The following GAP43 variants were observed in gnomAD, a reference collection of about 807,000 sequenced individuals.
GAP43 encodes neuromodulin.
In GAP43, 6 loss-of-function variants were observed where a neutral mutation model predicts 18.6. The ratio of observed to expected loss-of-function variants is 0.32; its 90% CI spans 0.18 to 0.64. GAP43 has a LOEUF of 0.64. Ranked by LOEUF, GAP43 falls within the 30% of genes least tolerant of loss-of-function variation. The pLI is 0.78. For missense variants in GAP43, 292 were observed against 295.5 expected, an observed-to-expected ratio of 0.99 and a Z score of 0.09; for synonymous variants, 115 against 111.4, an observed-to-expected ratio of 1.03 and a Z score of -0.20.
intron 1 of GAP43, among the ~76,000 whole-genome samples, chr3:115,675,212 C>G (rs1708865871): frequency 1.3e-5 from 2 of 152,174 alleles, no homozygotes; most frequent in African/African-American, 2.4e-5. Flanking sequence ...GCCAGGACCA[C>G]TGGTGCATGC....
chr3:115,642,971 T>C (rs904535911), intron 1 of GAP43, among the ~76,000 whole-genome samples: 13 of 152,104 alleles, frequency 8.5e-5, no homozygotes, highest in Admixed American at 3.9e-4. Flanking sequence ...AAATGAGTTA[T>C]GAATGCCACT....
At chr3:115,658,092 T>C (rs1276059390) in intron 1 of GAP43, among the ~76,000 whole-genome samples, 1 of 152,150 alleles carries the variant, frequency 6.6e-6, no homozygotes, top group Non-Finnish European at 1.5e-5. Context: ...AAACCAAACA[T>C]ACTGCACACT....
Position 115,692,532 on chromosome 3 carries a change from G to T in GAP43, c.628+15922G>T, listed in dbSNP as rs145195625. ...ATAAGTCTGTGACTGCTTGCAAACT[G>T]CAGTCTGTAGTTGTGGCAAAGGAAT... On this transcript the variant is annotated intron_variant, in intron 2 of 2. Coordinates refer to ENST00000305124, the MANE Select transcript of GAP43 (RefSeq NM_002045.4). 1.7e-3 allele frequency among the ~76,000 whole-genome samples: 252 copies of T among 152,296 alleles called. 2 individuals carry two copies. Among genetic ancestry groups the T allele is most frequent in the South Asian group, 0.011 (53 of 4,824 alleles).
intron 2 of GAP43, among the ~76,000 whole-genome samples, chr3:115,687,998 A>ATTT (rs200187029): frequency 7.2e-6 from 1 of 139,586 alleles, no homozygotes; most frequent in Admixed American, 7.3e-5. Context: ...TACTAACGAA[A>ATTT]TTTTTTTATT....
chr3:115,711,014 G>T (rs2107375335), intron 2 of GAP43, among the ~76,000 whole-genome samples: 1 of 152,270 alleles, frequency 6.6e-6, no homozygotes, highest in Non-Finnish European at 1.5e-5. Flanking sequence ...ATAAAGGAAA[G>T]ATTACTGGGC....
At chr3:115,702,785 C>G (rs1182875868) in intron 2 of GAP43, among the ~76,000 whole-genome samples, 1 of 152,054 alleles carries the variant, frequency 6.6e-6, no homozygotes, top group Non-Finnish European at 1.5e-5. Context: ...ATCCATGAGA[C>G]AAAGAATGGA....
chr3:115,626,484 G>T (rs187136012), intron 1 of GAP43, among the ~76,000 whole-genome samples: 104 of 152,108 alleles, frequency 6.8e-4, no homozygotes, highest in Non-Finnish European at 7.4e-5. Flanking sequence ...ATGAGAGTGG[G>T]GTAGAGATGA....
At chr3:115,639,837 T>G (rs1276534930) in intron 1 of GAP43, among the ~76,000 whole-genome samples, 5 of 152,088 alleles carry the variant, frequency 3.3e-5, no homozygotes, top group Non-Finnish European at 7.4e-5. Context: ...GGCTTCCCCT[T>G]ATAATTCTGG....
intron 1 of GAP43, among the ~76,000 whole-genome samples, chr3:115,648,713 T>C (rs921600303): frequency 6.6e-6 from 1 of 151,774 alleles, no homozygotes; most frequent in Non-Finnish European, 1.5e-5. Context: ...TGAGGAAGGG[T>C]TAGAAAGAAA....
intron 1 of GAP43, among the ~76,000 whole-genome samples, chr3:115,656,519 G>T (rs1708585922): frequency 6.6e-6 from 1 of 152,166 alleles, no homozygotes; most frequent in Non-Finnish European, 1.5e-5. Flanking sequence ...TATACTGAGG[G>T]TGGGGAATCC....
chr3:115,636,730 T>C (rs1416948850), intron 1 of GAP43, among the ~76,000 whole-genome samples: 3 of 152,140 alleles, frequency 2.0e-5, no homozygotes, highest in African/African-American at 7.2e-5. Flanking sequence ...CTTATGGTTG[T>C]GTTTCAAGGC....
intron 1 of GAP43, chr3:115,663,663 T>C (rs1708695031): frequency 1.4e-6 from 2 of 1,435,892 alleles, no homozygotes; most frequent in East Asian, 5.1e-5. Flanking sequence ...TAAAAAATTT[T>C]ATTTCTACTT....
intron 2 of GAP43, among the ~76,000 whole-genome samples, chr3:115,697,202 A>ATAG (rs1709203851): frequency 7.0e-4 from 1 of 1,436 alleles, no homozygotes. Context: ...TTATTTATTT[A>ATAG]TAATAATAAA....
chr3:115,688,527 A>G (rs550751764), intron 2 of GAP43, among the ~76,000 whole-genome samples: 140 of 152,354 alleles, frequency 9.2e-4, no homozygotes, highest in Non-Finnish European at 1.6e-3. Context: ...GGCCGAAATC[A>G]GTCTCAAAAA....
rs1246382253 is a variant in GAP43, at chr3:115,623,624, G to C, written c.-66G>C. 7.5e-6 allele frequency: 12 copies of C among 1,594,806 alleles called. No individual in the cohort carries two copies. The South Asian group carries it at 8.8e-5, about 12-fold the overall frequency. ...AGCGAGCAGAAAAGAGGTGGAGAGG[G>C]GGGGAATAAGAAAGAGAGAGAAGGA... is the stretch of plus-strand genomic sequence containing the variant. On this transcript the variant is annotated 5_prime_UTR_variant, in exon 1 of 3. Coordinates refer to ENST00000305124, the MANE Select transcript of GAP43 (RefSeq NM_002045.4).
chr3:115,694,117 G>A (rs1045194462), intron 2 of GAP43, among the ~76,000 whole-genome samples: 2 of 152,092 alleles, frequency 1.3e-5, no homozygotes, highest in Non-Finnish European at 2.9e-5. Context: ...TGCAGGGGAG[G>A]GGGGAGCAGT....
At chr3:115,627,890 CTG>C (rs1576974550) in intron 1 of GAP43, among the ~76,000 whole-genome samples, 1 of 152,080 alleles carries the variant, frequency 6.6e-6, no homozygotes, top group East Asian at 1.9e-4. Flanking sequence ...GAATATTATA[CTG>C]TGAGTCCTTA....
chr3:115,697,374 C>T (rs1013611790), intron 2 of GAP43, among the ~76,000 whole-genome samples: 1 of 152,124 alleles, frequency 6.6e-6, no homozygotes, highest in Non-Finnish European at 1.5e-5. Flanking sequence ...AAGGAACTTC[C>T]TCTCCGCCAC....
chr3:115,655,407 G>A (rs1231890445), intron 1 of GAP43, among the ~76,000 whole-genome samples: 2 of 152,146 alleles, frequency 1.3e-5, no homozygotes, highest in Non-Finnish European at 2.9e-5. Flanking sequence ...GTGACTATAT[G>A]GTAATCAGTA....
Sources: allele counts gnomAD v4.1 joint callset (sites outside exome capture counted in the v4.1 genomes callset), GRCh38; gene constraint gnomAD v4.1.1; transcripts MANE v1.5; gene names NCBI Gene and HGNC (gene_info 2026-07-23, HGNC 2026-07-21).